PPM1H: variants seen among roughly 807,000 people sequenced by gnomAD.
PPM1H encodes protein phosphatase, Mg2+/Mn2+ dependent 1H, also known as protein phosphatase 1H.
A neutral mutation model predicts 54.9 loss-of-function variants in PPM1H; 27 were observed. That is an observed-to-expected ratio of 0.49 (90% CI 0.36 to 0.68). PPM1H has a LOEUF of 0.68. Ranked by LOEUF, PPM1H falls within the 30% of genes least tolerant of loss-of-function variation. The probability of loss-of-function intolerance (pLI) is 0.00; values close to 1 mark genes in which losing one functional copy is unlikely to be tolerated. For missense variants in PPM1H, 596 were observed against 667.8 expected (o/e 0.89, Z 1.19); for synonymous variants, 305 against 270.8 (o/e 1.13, Z -1.24).
intron 5 of PPM1H, among the ~76,000 whole-genome samples, chr12:62,734,458 T>C (rs754554959): frequency 1.1e-4 from 16 of 152,182 alleles, no homozygotes; most frequent in Non-Finnish European, 2.1e-4. Context: ...CCCATTACTG[T>C]TGAAGAAATT....
intron 4 of PPM1H, among the ~76,000 whole-genome samples, chr12:62,758,565 T>C (rs969515512): frequency 6.6e-6 from 1 of 152,200 alleles, no homozygotes; most frequent in Non-Finnish European, 1.5e-5. Flanking sequence ...TGGTGGGACA[T>C]GTGCTTTGCC....
chr12:62,667,512 T>TA (rs1327617108), intron 8 of PPM1H, among the ~76,000 whole-genome samples, 183 bp from the exon 9 acceptor site: 1 of 152,242 alleles, frequency 6.6e-6, no homozygotes, highest in African/African-American at 2.4e-5. Context: ...GGAGACTTGC[T>TA]ATATAGACAC....
At chr12:62,686,440 A>G (rs1012087283) in intron 8 of PPM1H, among the ~76,000 whole-genome samples, 4 of 152,212 alleles carry the variant, frequency 2.6e-5, no homozygotes, top group African/African-American at 9.6e-5. Flanking sequence ...GTTATCTGAC[A>G]AATGCCTCTC....
chr12:62,661,016 G>A (rs1339461688), intron 9 of PPM1H, among the ~76,000 whole-genome samples: 1 of 151,922 alleles, frequency 6.6e-6, no homozygotes, highest in Non-Finnish European at 1.5e-5. Context: ...TAATTTTCAC[G>A]TTCATGATCT....
intron 4 of PPM1H, among the ~76,000 whole-genome samples, chr12:62,754,028 T>C (rs949443818): frequency 6.6e-6 from 1 of 152,178 alleles, no homozygotes; most frequent in African/African-American, 2.4e-5. Context: ...GATAAAAATA[T>C]TACAGAAGAG....
At chr12:62,834,892 G>C (rs1475430691) in intron 1 of PPM1H, among the ~76,000 whole-genome samples, 3 of 152,100 alleles carry the variant, frequency 2.0e-5, no homozygotes, top group Non-Finnish European at 4.4e-5. Context: ...TTTACTGGGT[G>C]ATGTTATACC....
At chr12:62,868,510 C>T (rs1357052833) in intron 1 of PPM1H, among the ~76,000 whole-genome samples, 1 of 152,160 alleles carries the variant, frequency 6.6e-6, no homozygotes, top group African/African-American at 2.4e-5. Flanking sequence ...AAAACAAGGA[C>T]GGCATCCACT....
chr12:62,808,906 A>G (rs569564165), intron 2 of PPM1H, among the ~76,000 whole-genome samples: 2 of 152,316 alleles, frequency 1.3e-5, no homozygotes, highest in South Asian at 4.1e-4. Context: ...AAGAAGTGCT[A>G]GAATTTAAAA....
rs2076423297 is a variant in PPM1H, at chr12:62,748,240, C to T, written c.870-10654G>A. Among the ~76,000 whole-genome samples the T allele has an allele frequency of 2.0e-5, 3 of 148,050 alleles. No homozygotes were observed. The South Asian group carries it at 6.5e-4, about 32-fold the overall frequency. The stretch of plus-strand genomic sequence containing the variant: ...CCTGGGCGACAGAGCGAGACTCCGT[C>T]TCAAAAAAAAAAAAGAAAAAAAAAG... On this transcript the variant is annotated intron_variant, in intron 4 of 9. Coordinates refer to ENST00000228705, the MANE Select transcript of PPM1H (RefSeq NM_020700.2).
chr12:62,700,253 ATCATCACCCT>A (rs2076136714), intron 6 of PPM1H, among the ~76,000 whole-genome samples: 1 of 151,934 alleles, frequency 6.6e-6, no homozygotes, highest in African/African-American at 2.4e-5. Context: ...TCTGTTCCCC[ATCATCACCCT>A]GGTCATGTGG....
At chr12:62,721,301 A>G (rs1385524789) in intron 5 of PPM1H, among the ~76,000 whole-genome samples, 2 of 152,206 alleles carry the variant, frequency 1.3e-5, no homozygotes, top group Non-Finnish European at 2.9e-5. Flanking sequence ...TAGTCATCCA[A>G]TGCTAAGTTT....
At chr12:62,802,214 G>T in intron 2 of PPM1H, 54 bp from the exon 3 acceptor site, 1 of 1,405,824 alleles carries the variant, frequency 7.1e-7, no homozygotes, top group Non-Finnish European at 9.5e-7. Context: ...TTTGCCTCAG[G>T]GTCATACAGA....
At chr12:62,805,932 C>T (rs940387449) in intron 2 of PPM1H, among the ~76,000 whole-genome samples, 2 of 152,010 alleles carry the variant, frequency 1.3e-5, no homozygotes, top group Non-Finnish European at 2.9e-5. Context: ...ACAATGCACC[C>T]GTATATCAAA....
At chr12:62,850,481 A>G (rs1328888905) in intron 1 of PPM1H, among the ~76,000 whole-genome samples, 1 of 151,854 alleles carries the variant, frequency 6.6e-6, no homozygotes, top group Non-Finnish European at 1.5e-5. Flanking sequence ...TAACAATACA[A>G]ATTAGTAATC....
In PPM1H at chr12:62,801,971, C is replaced by A. The variant is rs775351949; in HGVS notation, c.601G>T (p.Ala201Ser). The change falls in exon 3 of 10, where the codon GCC (alanine) becomes TCC (serine). Residue 201 changes from alanine to serine, a missense_variant. By Grantham distance (99) the Ala-to-Ser change is moderately conservative (BLOSUM62 1). Coordinates refer to ENST00000228705, the MANE Select transcript of PPM1H (RefSeq NM_020700.2). ...CLGEEPENTP[A>S]NSRTLTRAAS... ...GCCCGGGTCAGAGTCCGGCTGTTGG[C>A]GGGCGTGTTCTCAGGCTCCTCCCCC... is the stretch of plus-strand genomic sequence containing the variant. 6.2e-7 allele frequency: 1 copy of A among 1,612,556 alleles called. No homozygotes were observed. The highest frequency in any genetic ancestry group is 1.1e-5 in the South Asian group (1 of 90,950).
At chr12:62,823,553 A>T (rs1415183719) in intron 2 of PPM1H, among the ~76,000 whole-genome samples, 1 of 152,206 alleles carries the variant, frequency 6.6e-6, no homozygotes, top group Admixed American at 6.5e-5. Context: ...ATCCACCATG[A>T]TCAAGTCAGC....
chr12:62,719,546 T>A (rs935956697), intron 6 of PPM1H, among the ~76,000 whole-genome samples: 2 of 152,184 alleles, frequency 1.3e-5, no homozygotes, highest in African/African-American at 4.8e-5. Flanking sequence ...TTAGTCAACA[T>A]TAGCCACTGC....
At chr12:62,773,453 T>A (rs2076590616) in intron 4 of PPM1H, among the ~76,000 whole-genome samples, 3 of 152,128 alleles carry the variant, frequency 2.0e-5, no homozygotes, top group Admixed American at 2.0e-4. Flanking sequence ...CCAGCCTGGG[T>A]GACAGACTCA....
chr12:62,711,360 G>A (rs923153897), intron 6 of PPM1H, among the ~76,000 whole-genome samples: 3 of 152,192 alleles, frequency 2.0e-5, no homozygotes, highest in African/African-American at 7.2e-5. Flanking sequence ...AATGATCTGT[G>A]GTGGGGATTG....
Sources: allele counts gnomAD v4.1 joint callset (sites outside exome capture counted in the v4.1 genomes callset), GRCh38; gene constraint gnomAD v4.1.1; transcripts MANE v1.5; gene names NCBI Gene and HGNC (gene_info 2026-07-23, HGNC 2026-07-21).